MDN1: variants seen among roughly 807,000 people sequenced by gnomAD.
MDN1 encodes the protein midasin.
A neutral mutation model predicts 669.2 loss-of-function variants in MDN1; 266 were observed. That is an observed-to-expected ratio of 0.40 (90% CI 0.36 to 0.44). The LOEUF (loss-of-function observed/expected upper bound fraction) is 0.44, where lower values mean the gene tolerates loss of function less well. Ranked by LOEUF, MDN1 falls within the 20% of genes least tolerant of loss-of-function variation. The pLI is 1.00. For synonymous variants in MDN1, 2,385 were observed against 2,457.1 expected (o/e 0.97, Z 0.87); for missense variants, 5,940 against 6,754.0 (o/e 0.88, Z 4.22).
At position 89,749,234 on chromosome 6, in the gene MDN1, G is replaced by T. The variant is rs1260434865; in HGVS notation, c.3751C>A (p.Leu1251Met). ...TTGAAACTAAGTACCTGAAGATCCA[G>T]CATGACTTTAACCAACTTGCTGCAA... is the stretch of plus-strand genomic sequence containing the variant. ...SYCSKLVKVM[L>M]DLQSYRRSSS... Residue 1251 changes from leucine to methionine, a missense_variant, in exon 26 of 102, where the codon CTG becomes ATG. Leu to Met is a conservative substitution (Grantham distance 15). Coordinates refer to ENST00000369393, the MANE Select transcript of MDN1 (RefSeq NM_014611.3). 1 of 1,613,876 alleles carries T rather than the reference G, an allele frequency of 6.2e-7. No individual in the cohort carries two copies. Among genetic ancestry groups the T allele is most frequent in the South Asian group, 1.1e-5 (1 of 91,058 alleles).
intron 21 of MDN1, 69 bp downstream of exon 21, chr6:89,754,014 T>C: frequency 6.5e-7 from 1 of 1,528,818 alleles, no homozygotes; most frequent in South Asian, 1.3e-5. Context: ...GGCATATGCA[T>C]CCCTATTCCT....
Position 89,713,279 on chromosome 6 carries a change from C to G in MDN1, c.7087G>C (p.Val2363Leu). 6.2e-7 allele frequency: 1 copy of G among 1,612,236 alleles called. No individual in the cohort carries two copies. The highest frequency in any genetic ancestry group is 8.5e-7 in the Non-Finnish European group (1 of 1,179,338). Residue 2363 changes from valine to leucine, a missense_variant, in exon 47 of 102, where the codon GTA becomes CTA. This residue lies in a region of MDN1 where 2,292 missense variants were observed against 2,638.3 expected (regional missense o/e 0.87). Coordinates refer to ENST00000369393, the MANE Select transcript of MDN1 (RefSeq NM_014611.3). ...ATGGCTGTCTGGATTAGAGTTGATA[C>G]AGAAGATGTTGGAGAACCTATTAAA... ...STVVGSPTSS[V>L]STLIQTAILI...
At chr6:89,669,391 A>T (rs773459343) in intron 83 of MDN1, among the ~76,000 whole-genome samples, 1 of 151,996 alleles carries the variant, frequency 6.6e-6, no homozygotes, top group Non-Finnish European at 1.5e-5. Flanking sequence ...ATTACTTTTT[A>T]TTATTATTAT....
chr6:89,742,984 A>G (rs1816370876), intron 31 of MDN1, among the ~76,000 whole-genome samples, 166 bp downstream of exon 31: 2 of 152,134 alleles, frequency 1.3e-5, no homozygotes, highest in Non-Finnish European at 2.9e-5. Flanking sequence ...TATCTATAAA[A>G]ATCACATCAA....
chr6:89,673,394 A>C lies in MDN1; in HGVS notation c.13316T>G (p.Leu4439Arg). ...CCCTGGAAGAATGAACAAGGACTCT[A>C]GGCCCTGCAAATGAACTGACACCTG... is the stretch of plus-strand genomic sequence containing the variant. The part of the protein sequence containing the change: ...LSQVSVHLQG[L>R]ESLFILPGME... The change falls in exon 80 of 102, where the codon CTA (leucine) becomes CGA (arginine). Residue 4439 changes from leucine (L) to arginine (R), a missense_variant. Transcript: ENST00000369393. The C allele has an allele frequency of 6.2e-7, 1 of 1,614,180 alleles. No individual in the cohort carries two copies. The highest frequency in any genetic ancestry group is 8.5e-7 in the Non-Finnish European group (1 of 1,180,020).
intron 83 of MDN1, 43 bp from the exon 84 acceptor site, chr6:89,668,194 C>G (rs1810403018): frequency 3.1e-6 from 5 of 1,605,686 alleles, no homozygotes; most frequent in Non-Finnish European, 3.4e-6. Flanking sequence ...GGCACAAAAG[C>G]AATTTTAAAA....
At chr6:89,803,242 T>C in intron 2 of MDN1, 86 bp downstream of exon 2, 2 of 1,147,342 alleles carry the variant, frequency 1.7e-6, no homozygotes, top group Non-Finnish European at 2.6e-6. Flanking sequence ...CCGTTTTACC[T>C]TCTCAGCTCA....
In MDN1 at chr6:89,719,965, C is replaced by T. The variant is rs543966589; in HGVS notation, c.5968-740G>A. ...AAAATCTAAGAGTAATGGTGGGGGG[C>T]GGATAGAGGTATATAAAAAACATTA... On this transcript the variant is annotated intron_variant, in intron 40 of 101. Coordinates refer to ENST00000369393, the MANE Select transcript of MDN1 (RefSeq NM_014611.3). Among the ~76,000 whole-genome samples the T allele has an allele frequency of 3.3e-5, 5 of 151,238 alleles. No homozygotes were observed. In the South Asian group the frequency reaches 6.3e-4, roughly 19 times the overall value.
intron 38 of MDN1, 27 bp downstream of exon 38, chr6:89,725,172 G>A: frequency 6.2e-7 from 1 of 1,605,736 alleles, no homozygotes; most frequent in Non-Finnish European, 8.5e-7. Context: ...GTCTATCTTT[G>A]GTCTCTATGG....
At chr6:89,656,824 GA>G in intron 90 of MDN1, 23 bp from the exon 91 acceptor site, 2 of 1,593,854 alleles carry the variant, frequency 1.3e-6, no homozygotes, top group Non-Finnish European at 1.7e-6. Context: ...AGCCACAAAA[GA>G]ATGAGGTGAA....
At chr6:89,728,819 G>GAAAAT (rs1239469606) in intron 36 of MDN1, 112 bp downstream of exon 36, 5 of 1,181,692 alleles carry the variant, frequency 4.2e-6, no homozygotes, top group Non-Finnish European at 4.7e-6. Context: ...GAAAAGAAAA[G>GAAAAT]AAAAATTTGA....
At chr6:89,756,808 C>T (rs1000223252) in intron 19 of MDN1, among the ~76,000 whole-genome samples, 2 of 151,668 alleles carry the variant, frequency 1.3e-5, no homozygotes, top group African/African-American at 4.8e-5. Flanking sequence ...GTAGTCCCAG[C>T]TAATAGGGAG....
intron 39 of MDN1, 69 bp downstream of exon 39, chr6:89,723,443 C>G: frequency 1.0e-6 from 1 of 976,350 alleles, no homozygotes; most frequent in Non-Finnish European, 1.5e-6. Context: ...TGGTAGAACT[C>G]TATGTTGAAA....
chr6:89,804,909 G>A (rs910270472), intron 1 of MDN1, among the ~76,000 whole-genome samples: 6 of 151,724 alleles, frequency 4.0e-5, no homozygotes, highest in South Asian at 2.1e-4. Flanking sequence ...GGTGGCAGGC[G>A]CCTGTAGTCC....
chr6:89,767,121 G>A (rs1230944265), intron 15 of MDN1, among the ~76,000 whole-genome samples: 3 of 152,002 alleles, frequency 2.0e-5, no homozygotes, highest in African/African-American at 7.3e-5. Context: ...AGTCTTCCAT[G>A]CCCTCTACTC....
At chr6:89,648,592 G>A (rs1448062185) in intron 97 of MDN1, among the ~76,000 whole-genome samples, 3 of 152,058 alleles carry the variant, frequency 2.0e-5, no homozygotes, top group Admixed American at 6.5e-5. Flanking sequence ...TGAGGGCCAG[G>A]CGTGGTAGCT....
intron 92 of MDN1, among the ~76,000 whole-genome samples, chr6:89,655,526 A>C (rs979520983): frequency 6.6e-6 from 1 of 152,192 alleles, no homozygotes; most frequent in South Asian, 2.1e-4. Context: ...TGTACCAAAA[A>C]CAAACTGTAT....
chr6:89,712,999 A>G, intron 47 of MDN1, 149 bp downstream of exon 47: 4 of 941,124 alleles, frequency 4.3e-6, no homozygotes. Context: ...ATTTTCCAGA[A>G]AAGTACCTGG....
intron 83 of MDN1, among the ~76,000 whole-genome samples, 185 bp from the exon 84 acceptor site, chr6:89,668,336 G>A (rs1016951193): frequency 6.6e-6 from 1 of 152,206 alleles, no homozygotes; most frequent in African/African-American, 2.4e-5. Context: ...TAATAGTTAT[G>A]CAGTTTCACA....
Sources: gnomAD v4.1 joint callset for allele counts (sites outside exome capture counted in the v4.1 genomes callset) on GRCh38, gnomAD v4.1.1 for gene constraint, gnomAD v4.1.1 regional missense constraint, MANE v1.5 for transcripts, NCBI Gene and HGNC (gene_info 2026-07-23, HGNC 2026-07-21) for gene names.